Variants in PDSS2 observed in about 807,000 individuals in gnomAD.
PDSS2 encodes all trans-polyprenyl-diphosphate synthase PDSS2.
Under a neutral mutation model 44.5 loss-of-function variants are expected in PDSS2, and 31 were observed. The observed-to-expected ratio is 0.70, with a 90% CI of 0.52 to 0.94. The LOEUF (loss-of-function observed/expected upper bound fraction) is 0.94. Ranked by LOEUF, PDSS2 falls within the 40% of genes least tolerant of loss-of-function variation. The pLI is 0.00. For synonymous variants in PDSS2, 157 were observed against 180.3 expected (o/e 0.87, Z 1.03); for missense variants, 452 against 482.2 (o/e 0.94, Z 0.59).
intron 2 of PDSS2, among the ~76,000 whole-genome samples, chr6:107,289,476 G>A (rs541667400): frequency 1.3e-5 from 2 of 152,070 alleles, no homozygotes; most frequent in Admixed American, 1.3e-4. Context: ...AAGGTGGGTG[G>A]ATTGCTCGAG....
At position 107,283,027 on chromosome 6, in the gene PDSS2, T is replaced by C. The variant is rs990050956; in HGVS notation, c.432-8800A>G. Among the ~76,000 whole-genome samples the C allele has an allele frequency of 4.6e-5, 7 of 151,496 alleles. 1 individual carries two copies. Among genetic ancestry groups the C allele is most frequent in the Admixed American group, 2.6e-4 (4 of 15,220 alleles). On this transcript the variant is annotated intron_variant, in intron 2 of 7. Coordinates refer to ENST00000369037, the MANE Select transcript of PDSS2 (RefSeq NM_020381.4). ...CTGTGAGCCACCGTACCCAGACTGA[T>C]AAACAGTTTGGCTGGGTGTGGTGGC...
chr6:107,307,383 C>A (rs1405637250), intron 2 of PDSS2, among the ~76,000 whole-genome samples: 1 of 152,164 alleles, frequency 6.6e-6, no homozygotes, highest in Non-Finnish European at 1.5e-5. Context: ...GATAGAACTA[C>A]GCATTCAAAT....
At chr6:107,279,218 CAAAATA>C (rs770192251) in intron 2 of PDSS2, among the ~76,000 whole-genome samples, 4 of 151,864 alleles carry the variant, frequency 2.6e-5, no homozygotes, top group African/African-American at 7.3e-5. Flanking sequence ...AACTCTGTCT[CAAAATA>C]AAAATAAAAA....
At chr6:107,197,480 CAAAAA>C (rs1211356401) in intron 6 of PDSS2, among the ~76,000 whole-genome samples, 2 of 82,426 alleles carry the variant, frequency 2.4e-5, no homozygotes, top group Non-Finnish European at 4.8e-5. Context: ...ACCCCCATCT[CAAAAA>C]AAAAAAAAAA....
chr6:107,335,587 C>A (rs897849155), intron 1 of PDSS2, among the ~76,000 whole-genome samples: 1 of 152,174 alleles, frequency 6.6e-6, no homozygotes, highest in African/African-American at 2.4e-5. Flanking sequence ...TGTGGCATAT[C>A]TTTTGACATG....
chr6:107,362,161 G>A (rs992450089), intron 1 of PDSS2, among the ~76,000 whole-genome samples: 25 of 152,258 alleles, frequency 1.6e-4, no homozygotes, highest in African/African-American at 5.5e-4. Flanking sequence ...ACATATTTAC[G>A]GTTGACCAGG....
chr6:107,388,529 A>G (rs1779681575), intron 1 of PDSS2, among the ~76,000 whole-genome samples: 1 of 151,450 alleles, frequency 6.6e-6, no homozygotes, highest in African/African-American at 2.4e-5. Context: ...GCTCACTGCA[A>G]GCTCCGCCTC....
At chr6:107,156,423 T>C (rs1025325722) in intron 7 of PDSS2, among the ~76,000 whole-genome samples, 3 of 152,082 alleles carry the variant, frequency 2.0e-5, no homozygotes, top group Admixed American at 2.0e-4. Context: ...CTCCATCTCC[T>C]GACCTTGTGA....
chr6:107,404,602 G>A (rs1780248242), intron 1 of PDSS2, among the ~76,000 whole-genome samples: 1 of 152,178 alleles, frequency 6.6e-6, no homozygotes, highest in African/African-American at 2.4e-5. Flanking sequence ...CATAGCAGCA[G>A]GCAAGACAGC....
intron 1 of PDSS2, among the ~76,000 whole-genome samples, chr6:107,439,339 C>G (rs897323396): frequency 2.6e-5 from 4 of 152,214 alleles, no homozygotes; most frequent in Non-Finnish European, 5.9e-5. Context: ...GACCATGCAA[C>G]CTAGCTGTCC....
At position 107,384,367 on chromosome 6, in the gene PDSS2, G is replaced by A. The variant is rs190696985; in HGVS notation, c.297-50035C>T. ...CTAAAACCCACTAAACTGGCTGGGCGCGGTGGCTCACGCCTGTAATCCCAG... is the reference window on the plus strand; with the variant it reads ...CTAAAACCCACTAAACTGGCTGGGCACGGTGGCTCACGCCTGTAATCCCAG... On this transcript the variant is annotated intron_variant, in intron 1 of 7. Transcript: ENST00000369037. Among the ~76,000 whole-genome samples, 445 of 152,144 alleles carry A rather than the reference G, an allele frequency of 2.9e-3. 8 individuals carry two copies. Among genetic ancestry groups the A allele is most frequent in the Non-Finnish European group, 3.7e-4 (25 of 67,992 alleles).
chr6:107,267,745 CTGTTTTT>C (rs1246976213), intron 3 of PDSS2, among the ~76,000 whole-genome samples: 4 of 151,674 alleles, frequency 2.6e-5, no homozygotes, highest in Non-Finnish European at 4.4e-5. Context: ...ACCACCATGC[CTGTTTTT>C]TGTTTTTTGT....
At chr6:107,264,517 A>G (rs781663102) in intron 3 of PDSS2, 1 of 1,484,392 alleles carries the variant, frequency 6.7e-7, no homozygotes, top group South Asian at 1.2e-5. Flanking sequence ...AAATGACTAC[A>G]AAGAAAAAAA....
chr6:107,323,641 T>C (rs569708751), intron 2 of PDSS2, among the ~76,000 whole-genome samples: 2 of 152,160 alleles, frequency 1.3e-5, no homozygotes, highest in Non-Finnish European at 2.9e-5. Flanking sequence ...GGATCACCAT[T>C]AAGTCATGAA....
At chr6:107,392,881 C>T (rs1779826368) in intron 1 of PDSS2, among the ~76,000 whole-genome samples, 1 of 152,096 alleles carries the variant, frequency 6.6e-6, no homozygotes, top group Non-Finnish European at 1.5e-5. Context: ...GTTTTGATTC[C>T]TCTCTTATTG....
intron 2 of PDSS2, among the ~76,000 whole-genome samples, chr6:107,294,060 C>T (rs978115773): frequency 6.6e-6 from 1 of 152,054 alleles, no homozygotes; most frequent in South Asian, 2.1e-4. Flanking sequence ...GCACAGTAAG[C>T]ACTGTAGGAG....
chr6:107,292,501 A>T (rs796639474), intron 2 of PDSS2, among the ~76,000 whole-genome samples: 23 of 152,282 alleles, frequency 1.5e-4, no homozygotes, highest in African/African-American at 5.3e-4. Context: ...GGATGTTGGG[A>T]CTCAGCAAGG....
chr6:107,309,732 A>G (rs186126095), intron 2 of PDSS2, among the ~76,000 whole-genome samples: 30 of 152,316 alleles, frequency 2.0e-4, no homozygotes, highest in Admixed American at 3.9e-4. Context: ...TCCTTACATG[A>G]TTATTCTAAT....
intron 2 of PDSS2, among the ~76,000 whole-genome samples, chr6:107,280,261 C>T (rs1775918834): frequency 6.6e-6 from 1 of 152,108 alleles, no homozygotes; most frequent in Admixed American, 6.6e-5. Context: ...AGGGTTTCAC[C>T]ATGTTGGCCA....
Sources: gnomAD v4.1 joint callset for allele counts (sites outside exome capture counted in the v4.1 genomes callset) on GRCh38, gnomAD v4.1.1 for gene constraint, MANE v1.5 for transcripts, NCBI Gene and HGNC (gene_info 2026-07-23, HGNC 2026-07-21) for gene names.